Variants in MUC17 observed in about 807,000 individuals in gnomAD.
The protein encoded by MUC17 is mucin-17.
MUC17 carries 190 observed loss-of-function variants against 170.3 expected under a neutral mutation model. That is an observed-to-expected ratio of 1.12 (90% confidence interval 0.99 to 1.26). The LOEUF (loss-of-function observed/expected upper bound fraction) is 1.26, where lower values mean the gene tolerates loss of function less well. Ranked by LOEUF, MUC17 falls within the 50% of genes most tolerant of loss-of-function variation. MUC17 has a pLI of 0.00. For missense variants in MUC17, 6,415 were observed against 5,530.0 expected (o/e 1.16, Z -5.08); for synonymous variants, 2,325 against 2,002.5 (o/e 1.16, Z -4.30).
In MUC17 at chr7:101,040,253, G is replaced by A. The variant is rs757643747; in HGVS notation, c.8837G>A (p.Ser2946Asn). ...STVPVAGSEA[S>N]TLSTTPVDTR... ...GTGCCAGTGGCCGGTTCTGAGGCTA[G>A]CACCCTTTCAACAACTCCTGTTGAC... Residue 2946 changes from serine (S) to asparagine (N), a missense_variant, in exon 3 of 13, where the codon AGC becomes AAC. Transcript: ENST00000306151. 10 of 1,610,846 alleles carry A rather than the reference G, an allele frequency of 6.2e-6. 1 individual carries two copies. In the East Asian group the frequency reaches 1.8e-4, roughly 29 times the overall value.
chr7:101,053,161 T>C lies in MUC17; in HGVS notation c.13265+14T>C. On this transcript the variant is annotated intron_variant, in intron 10 of 12. Transcript: ENST00000306151. ...AGAGGTGAAACGGTGAGCGAGCCCC[T>C]ACCACCTCCTCTTCCAACTCCCTCC... The C allele has an allele frequency of 6.2e-7, 1 of 1,610,552 alleles. No homozygotes were observed. The highest frequency in any genetic ancestry group is 8.5e-7 in the Non-Finnish European group (1 of 1,178,136).
At chr7:101,049,074 G>C (rs1417336757) in intron 5 of MUC17, 102 bp downstream of exon 5, 1 of 1,547,998 alleles carries the variant, frequency 6.5e-7, no homozygotes, top group African/African-American at 1.4e-5. Flanking sequence ...TTAGATGTGC[G>C]GGAGTTCTCT....
At position 101,042,251 on chromosome 7, in the gene MUC17, A is replaced by C. The variant is rs747347828; in HGVS notation, c.10835A>C (p.Gln3612Pro). Residue 3612 changes from glutamine to proline, a missense_variant, in exon 3 of 13, where the codon CAG (glutamine) becomes CCG (proline). Physicochemically the swap from Gln to Pro is moderately conservative, Grantham distance 76. Coordinates refer to ENST00000306151, the MANE Select transcript of MUC17 (RefSeq NM_001040105.2). ...DRSTPVTTST[Q>P]SNSTPTPPEV... ...AGCACACCTGTGACCACTTCTACTC[A>C]GAGCAATTCTACTCCTACACCTCCT... 61 of 1,613,948 alleles carry C rather than the reference A, an allele frequency of 3.8e-5. No homozygotes were observed. The East Asian group carries it at 1.3e-3, about 34-fold the overall frequency.
chr7:101,035,023 A>G lies in MUC17; in HGVS notation c.3607A>G (p.Thr1203Ala). 1.2e-6 allele frequency: 2 copies of G among 1,613,684 alleles called. No homozygotes were observed. The highest frequency in any genetic ancestry group is 1.7e-6 in the Non-Finnish European group (2 of 1,179,898). The change falls in exon 3 of 13, where the codon ACT (threonine) becomes GCT (alanine). Residue 1203 changes from threonine to alanine, a missense_variant. Transcript: ENST00000306151. ...TACTGAAGCCAGTTCACCTCCTCCA[A>G]CTGCTGAAGTTACCAGCATGCCAAC... ...TSTEASSPPP[T>A]AEVTSMPTST...
In MUC17 at chr7:101,039,983, G is replaced by C. The variant is rs773965943; in HGVS notation, c.8567G>C (p.Gly2856Ala). ...KASSSPTTAE[G>A]IVVPISTASE... Reference sequence around the variant, plus strand: ...AGTTCATCTCCTACAACTGCTGAAGGTATCGTCGTGCCAATCTCAACTGCT... The same window carrying C: ...AGTTCATCTCCTACAACTGCTGAAGCTATCGTCGTGCCAATCTCAACTGCT... The change falls in exon 3 of 13, where the codon GGT becomes GCT. Residue 2856 changes from glycine to alanine, a missense_variant. Gly to Ala is a moderately conservative substitution (Grantham distance 60). Transcript: ENST00000306151. 6.2e-7 allele frequency: 1 copy of C among 1,611,858 alleles called. No individual in the cohort carries two copies. Among genetic ancestry groups the C allele is most frequent in the South Asian group, 1.1e-5 (1 of 90,998 alleles).
chr7:101,021,396 C>T (rs532647479), intron 1 of MUC17, among the ~76,000 whole-genome samples: 3 of 152,014 alleles, frequency 2.0e-5, no homozygotes, highest in Non-Finnish European at 2.9e-5. Context: ...CCATGTTAAC[C>T]GGGCTGGTCT....
intron 9 of MUC17, 70 bp from the exon 10 acceptor site, chr7:101,052,916 A>C: frequency 7.8e-5 from 117 of 1,497,360 alleles, no homozygotes; most frequent in Non-Finnish European, 1.0e-4. Flanking sequence ...CCCACTGGGC[A>C]GGGCCCAGGT....
In MUC17 at chr7:101,038,704, A is replaced by G; in HGVS notation, c.7288A>G (p.Thr2430Ala). The G allele has an allele frequency of 1.2e-6, 2 of 1,613,664 alleles. No homozygotes were observed. Among genetic ancestry groups the G allele is most frequent in the South Asian group, 2.2e-5 (2 of 91,048 alleles). Residue 2430 changes from threonine to alanine, a missense_variant, in exon 3 of 13, where the codon ACT (threonine) becomes GCT (alanine). Transcript: ENST00000306151. ...TGTTGACACCAGCACACCTGTCACC[A>G]CTTCTACTGAAGCCAGTTCATCTCC... The part of the protein sequence containing the change: ...TPVDTSTPVT[T>A]STEASSSPTT...
chr7:101,039,359 C>T lies in MUC17; in HGVS notation c.7943C>T (p.Ser2648Phe). ...ILVSTMPVAS[S>F]EASTLSTTPV... ...GTCAGCACCATGCCAGTGGCCAGTT[C>T]TGAGGCTAGCACCCTTTCAACAACT... The change falls in exon 3 of 13, where the codon TCT (serine) becomes TTT (phenylalanine). Residue 2648 changes from serine to phenylalanine, a missense_variant. By Grantham distance (155) the Ser-to-Phe change is radical. Transcript: ENST00000306151. The T allele has an allele frequency of 6.2e-7, 1 of 1,613,070 alleles. No homozygotes were observed. The highest frequency in any genetic ancestry group is 1.3e-5 in the African/African-American group (1 of 74,970).
chr7:101,020,290 C>T (rs1794048737), intron 1 of MUC17, 73 bp downstream of exon 1: 1 of 1,352,640 alleles, frequency 7.4e-7, no homozygotes, highest in Admixed American at 2.1e-5. Flanking sequence ...CTGCCCATCC[C>T]CGAGGGAGAG....
Position 101,034,049 on chromosome 7 carries a change from C to A in MUC17, c.2633C>A (p.Ala878Asp). The A allele has an allele frequency of 6.3e-7, 1 of 1,594,512 alleles. No individual in the cohort carries two copies. The highest frequency in any genetic ancestry group is 8.5e-7 in the Non-Finnish European group (1 of 1,171,334). Residue 878 changes from alanine (A) to aspartate (D), a missense_variant, in exon 3 of 13, where the codon GCC (alanine) becomes GAC (aspartate). Ala to Asp is a moderately radical substitution (Grantham distance 126, BLOSUM62 -2). Transcript: ENST00000306151. ...ATGCCTGTCAGCACCACACTGGTGGCCACTTCTGCAATCAGCACCCTTTCA... is the reference window on the plus strand; with the variant it reads ...ATGCCTGTCAGCACCACACTGGTGGACACTTCTGCAATCAGCACCCTTTCA... ...TSMPVSTTLV[A>D]TSAISTLSTT...
chr7:101,050,860 G>A (rs944198544), intron 7 of MUC17, among the ~76,000 whole-genome samples: 3 of 152,072 alleles, frequency 2.0e-5, no homozygotes, highest in Non-Finnish European at 2.9e-5. Context: ...CTGGGGTAAG[G>A]GAAGGGACAA....
In MUC17 at chr7:101,022,075, T is replaced by G. The variant is rs2116384058; in HGVS notation, c.82+1858T>G. On this transcript the variant is annotated intron_variant, in intron 1 of 12. Coordinates refer to ENST00000306151, the MANE Select transcript of MUC17 (RefSeq NM_001040105.2). ...CTCAGTCACCTGTCCATGGCAGGTA[T>G]CCCTTTGCCCTCCCCCCATCCCTGT... Among the ~76,000 whole-genome samples, 2 of 152,016 alleles carry G rather than the reference T, an allele frequency of 1.3e-5. 1 individual carries two copies. Among genetic ancestry groups the G allele is most frequent in the Middle Eastern group, 6.9e-3 (2 of 288 alleles).
At chr7:101,025,513 C>T (rs1353110210) in intron 1 of MUC17, among the ~76,000 whole-genome samples, 1 of 149,718 alleles carries the variant, frequency 6.7e-6, no homozygotes, top group Non-Finnish European at 1.5e-5. Context: ...AAATATAGGC[C>T]AAGCACAGTG....
In MUC17 at chr7:101,034,402, G is replaced by A. The variant is rs1408302229; in HGVS notation, c.2986G>A (p.Ala996Thr). ...CACACCTGTCAGCCACACGCTGGTG[G>A]CCAATTCTGAGGCTAGCACCCTTTC... ...TSTPVSHTLV[A>T]NSEASTLSTT... is the part of the protein sequence containing the mutation. Residue 996 changes from alanine to threonine, a missense_variant, in exon 3 of 13, where the codon GCC (alanine) becomes ACC (threonine). Physicochemically the swap from Ala to Thr is moderately conservative, Grantham distance 58 (BLOSUM62 0). Transcript: ENST00000306151. 6.2e-7 allele frequency: 1 copy of A among 1,606,682 alleles called. No homozygotes were observed. Among genetic ancestry groups the A allele is most frequent in the Non-Finnish European group, 8.5e-7 (1 of 1,176,450 alleles).
Position 101,034,897 on chromosome 7 carries a change from C to A in MUC17, c.3481C>A (p.Pro1161Thr). Reference sequence around the variant, plus strand: ...CTCACCTCCCAGTGAAGGAACCACTCCGTTAGCAAGTATGCCTGTCAGCAC... The same window carrying A: ...CTCACCTCCCAGTGAAGGAACCACTACGTTAGCAAGTATGCCTGTCAGCAC... The part of the protein sequence containing the change: ...PTSPPSEGTT[P>T]LASMPVSTTL... Residue 1161 changes from proline to threonine, a missense_variant, in exon 3 of 13, where the codon CCG becomes ACG. Transcript: ENST00000306151. 6.2e-6 allele frequency: 10 copies of A among 1,613,432 alleles called. No homozygotes were observed. The highest frequency in any genetic ancestry group is 8.5e-6 in the Non-Finnish European group (10 of 1,179,970).
intron 11 of MUC17, 45 bp downstream of exon 11, chr7:101,053,481 A>G (rs374625783): frequency 6.6e-7 from 1 of 1,518,354 alleles, no homozygotes; most frequent in African/African-American, 1.4e-5. Flanking sequence ...AAAATGTGGA[A>G]ACAGGCTGGG....
Position 101,036,153 on chromosome 7 carries a change from T to C in MUC17, c.4737T>C (p.Pro1579=). ...GAAGCACTCCACTAACAAGTTTGCC[T>C]GTCAGCACCATGCTGGTGGTCAGTT... ...SEGSTPLTSL[P]VSTMLVVSSE... The change falls in exon 3 of 13, where the codon CCT becomes CCC. Residue 1579 remains proline (P), a synonymous_variant. Coordinates refer to ENST00000306151, the MANE Select transcript of MUC17 (RefSeq NM_001040105.2). 6.2e-7 allele frequency: 1 copy of C among 1,614,080 alleles called. No individual in the cohort carries two copies. The highest frequency in any genetic ancestry group is 8.5e-7 in the Non-Finnish European group (1 of 1,179,994).
chr7:101,032,548 G>A lies in MUC17; in HGVS notation c.1132G>A (p.Ala378Thr), dbSNP rs1794318664. The change falls in exon 3 of 13, where the codon GCT becomes ACT. Residue 378 changes from alanine to threonine, a missense_variant. Transcript: ENST00000306151. ...TGAACCCAGTTCACTTCCTACAACT[G>A]CTGAAGCTACCAGCATGCTAACCTC... ...STEPSSLPTT[A>T]EATSMLTSTL... 2 of 1,613,772 alleles carry A rather than the reference G, an allele frequency of 1.2e-6. No homozygotes were observed. The highest frequency in any genetic ancestry group is 1.7e-6 in the Non-Finnish European group (2 of 1,179,946).
Sources: allele counts gnomAD v4.1 joint callset (sites outside exome capture counted in the v4.1 genomes callset), GRCh38; gene constraint gnomAD v4.1.1; transcripts MANE v1.5; gene names NCBI Gene and HGNC (gene_info 2026-07-23, HGNC 2026-07-21).